Variants in TMTC2 observed in about 807,000 individuals in gnomAD.
TMTC2 encodes the protein protein O-mannosyl-transferase TMTC2.
Under a neutral mutation model 82.4 loss-of-function variants are expected in TMTC2, and 43 were observed. The observed-to-expected ratio is 0.52, with a 90% CI of 0.41 to 0.67. The LOEUF (loss-of-function observed/expected upper bound fraction) is 0.67. Among genes scored for constraint, TMTC2 ranks in the 30% least tolerant of loss-of-function variants. The pLI is 0.00. For synonymous variants in TMTC2, 408 were observed against 381.9 expected, an observed-to-expected ratio of 1.07 and a Z score of -0.80; for missense variants, 919 against 1,012.4, an observed-to-expected ratio of 0.91 and a Z score of 1.25.
intron 11 of TMTC2, among the ~76,000 whole-genome samples, chr12:83,102,424 C>T (rs1884251118): frequency 6.6e-6 from 1 of 152,128 alleles, no homozygotes; most frequent in Non-Finnish European, 1.5e-5. Flanking sequence ...TGAAATTAGA[C>T]TTTATCTTGG....
At chr12:83,058,617 C>T (rs1185452818) in intron 10 of TMTC2, among the ~76,000 whole-genome samples, 1 of 151,826 alleles carries the variant, frequency 6.6e-6, no homozygotes, top group African/African-American at 2.4e-5. Context: ...ACAATGTTGA[C>T]TCCTAGGGTG....
chr12:83,028,094 G>T (rs1433763407), intron 8 of TMTC2, among the ~76,000 whole-genome samples: 1 of 151,810 alleles, frequency 6.6e-6, no homozygotes, highest in African/African-American at 2.4e-5. Flanking sequence ...TGATGATTTT[G>T]TCAGATGACC....
chr12:82,896,768 C>G, intron 3 of TMTC2, 122 bp downstream of exon 3: 3 of 674,550 alleles, frequency 4.4e-6, no homozygotes, highest in South Asian at 5.4e-5. Context: ...GTACCTGTAT[C>G]TTTCATTCTT....
intron 2 of TMTC2, among the ~76,000 whole-genome samples, chr12:82,873,205 C>G (rs1872295194): frequency 7.5e-6 from 1 of 132,806 alleles, no homozygotes; most frequent in African/African-American, 3.2e-5. Context: ...GGCCCTGTTT[C>G]AAAGATGTTG....
chr12:82,918,729 TCTCTCTC>T, intron 3 of TMTC2, among the ~76,000 whole-genome samples: 1 of 151,834 alleles, frequency 6.6e-6, no homozygotes, highest in Non-Finnish European at 1.5e-5. Flanking sequence ...TCTCTCTCTC[TCTCTCTC>T]TCTTTCTCTC....
chr12:82,756,717 A>G (rs148380452), intron 1 of TMTC2, among the ~76,000 whole-genome samples: 53 of 152,268 alleles, frequency 3.5e-4, no homozygotes, highest in African/African-American at 1.3e-3. Context: ...GATAGTATTT[A>G]TTTATTTATT....
At chr12:82,726,948 C>A (rs867587629) in intron 1 of TMTC2, among the ~76,000 whole-genome samples, 1 of 149,516 alleles carries the variant, frequency 6.7e-6, no homozygotes, top group Admixed American at 6.7e-5. Context: ...TACCCTTAAC[C>A]AATTCTACTG....
chr12:82,825,588 A>G (rs186397853), intron 1 of TMTC2, among the ~76,000 whole-genome samples: 356 of 152,302 alleles, frequency 2.3e-3, no homozygotes, highest in Non-Finnish European at 3.8e-3. Context: ...CAGTACGTCT[A>G]TTATTTCCAC....
intron 2 of TMTC2, among the ~76,000 whole-genome samples, chr12:82,868,148 C>T (rs1426274410): frequency 6.6e-6 from 1 of 152,180 alleles, no homozygotes; most frequent in Non-Finnish European, 1.5e-5. Flanking sequence ...TGTCTTATAG[C>T]AGGTATCATC....
intron 1 of TMTC2, among the ~76,000 whole-genome samples, chr12:82,702,516 G>A (rs1873133928): frequency 6.6e-6 from 1 of 152,160 alleles, no homozygotes; most frequent in Non-Finnish European, 1.5e-5. Flanking sequence ...TTGTTAATGG[G>A]AAAACAAGTC....
At chr12:82,704,275 T>C (rs1592859935) in intron 1 of TMTC2, among the ~76,000 whole-genome samples, 1 of 152,218 alleles carries the variant, frequency 6.6e-6, no homozygotes, top group Non-Finnish European at 1.5e-5. Context: ...TTATGAAAAC[T>C]GGTTGAAAAT....
At chr12:83,018,306 G>T (rs529503248) in intron 8 of TMTC2, among the ~76,000 whole-genome samples, 77 of 152,202 alleles carry the variant, frequency 5.1e-4, no homozygotes, top group African/African-American at 1.8e-3. Context: ...ATCCCCACAG[G>T]GTTTAAACTT....
rs77599126 is a variant in TMTC2 at position 82,953,226 on chromosome 12, T to A, written c.1599-11798T>A. Among the ~76,000 whole-genome samples, 1,336 of 152,332 alleles carry A rather than the reference T, an allele frequency of 8.8e-3. 21 individuals carry two copies. Among genetic ancestry groups the A allele is most frequent in the African/African-American group, 0.031 (1,280 of 41,576 alleles). On this transcript the variant is annotated intron_variant, in intron 4 of 11. Transcript: ENST00000321196. ...CAGGATTCTTGTGCTGCTCGTGACA[T>A]GACCAAACCTGGCTGCATGTTTGAT...
At chr12:82,744,000 A>G (rs1565731278) in intron 1 of TMTC2, among the ~76,000 whole-genome samples, 1 of 152,182 alleles carries the variant, frequency 6.6e-6, no homozygotes, top group African/African-American at 2.4e-5. Context: ...GGTGCTGGGC[A>G]TGGTTGCTCG....
At chr12:82,806,873 C>T (rs952674180) in intron 1 of TMTC2, among the ~76,000 whole-genome samples, 3 of 152,210 alleles carry the variant, frequency 2.0e-5, no homozygotes, top group Admixed American at 2.0e-4. Flanking sequence ...TGGATCCACA[C>T]TGTTAAAACG....
At chr12:82,869,773 A>C (rs1430805749) in intron 2 of TMTC2, among the ~76,000 whole-genome samples, 1 of 151,960 alleles carries the variant, frequency 6.6e-6, no homozygotes, top group African/African-American at 2.4e-5. Flanking sequence ...CAGGAAGTGG[A>C]GGCCGCAGTG....
At chr12:83,023,378 G>T (rs1881024558) in intron 8 of TMTC2, among the ~76,000 whole-genome samples, 1 of 152,224 alleles carries the variant, frequency 6.6e-6, no homozygotes, top group Non-Finnish European at 1.5e-5. Flanking sequence ...TGGAAAGGCA[G>T]CTGAGTGTGA....
intron 1 of TMTC2, among the ~76,000 whole-genome samples, chr12:82,692,607 C>T (rs1384155519): frequency 2.0e-5 from 3 of 152,214 alleles, no homozygotes; most frequent in Non-Finnish European, 4.4e-5. Flanking sequence ...CTTTATTATA[C>T]TCATCTGAAG....
intron 4 of TMTC2, among the ~76,000 whole-genome samples, chr12:82,935,308 A>G (rs1876258168): frequency 6.6e-6 from 1 of 152,190 alleles, no homozygotes; most frequent in Non-Finnish European, 1.5e-5. Flanking sequence ...TCTATTCTTA[A>G]TAACAATAGA....
Sources: allele counts gnomAD v4.1 joint callset (sites outside exome capture counted in the v4.1 genomes callset), GRCh38; gene constraint gnomAD v4.1.1; transcripts MANE v1.5; gene names NCBI Gene and HGNC (gene_info 2026-07-23, HGNC 2026-07-21).